The following CXADR variants were observed in gnomAD, a reference collection of about 807,000 sequenced individuals.
The protein encoded by CXADR is CXADR cell adhesion molecule, also known as coxsackievirus and adenovirus receptor.
In CXADR, 20 loss-of-function variants were observed where a neutral mutation model predicts 40.3. The observed-to-expected ratio is 0.50, with a 90% CI of 0.35 to 0.72. CXADR has a LOEUF of 0.72. Ranked by LOEUF, CXADR falls within the 30% of genes least tolerant of loss-of-function variation. The pLI is 0.01. For missense variants in CXADR, 332 were observed against 449.1 expected, an observed-to-expected ratio of 0.74 and a Z score of 2.36; for synonymous variants, 150 against 161.3, an observed-to-expected ratio of 0.93 and a Z score of 0.53.
chr21:17,545,695 A>G (rs886248943), intron 1 of CXADR, among the ~76,000 whole-genome samples: 4 of 151,728 alleles, frequency 2.6e-5, no homozygotes, highest in Admixed American at 6.6e-5. Context: ...AAATGTGATT[A>G]TTGGCTTTTT....
At position 17,547,216 on chromosome 21, in the gene CXADR, C is replaced by T. The variant is rs191448160; in HGVS notation, c.210+23C>T. 1.4e-4 allele frequency: 232 copies of T among 1,613,622 alleles called. 1 individual carries two copies. In the East Asian group the frequency reaches 4.3e-3, roughly 30 times the overall value. On this transcript the variant is annotated intron_variant, in intron 2 of 6. Coordinates refer to ENST00000284878, the MANE Select transcript of CXADR (RefSeq NM_001338.5). Reference sequence around the variant, plus strand: ...GTGGTAAGTTTGATATGTCCTTGCTCGCTTAGCAGCTGTCTGTGCAACTAT... The same window carrying T: ...GTGGTAAGTTTGATATGTCCTTGCTTGCTTAGCAGCTGTCTGTGCAACTAT...
the CXADR span, chr21:17,605,018 G>A: frequency 2.8e-5 from 45 of 1,609,362 alleles, no homozygotes; most frequent in African/African-American, 3.6e-4. Flanking sequence ...GTGGAGTTAC[G>A]TTAATGGATT....
intron 1 of CXADR, among the ~76,000 whole-genome samples, chr21:17,522,103 C>A (rs1361876844): frequency 6.6e-6 from 1 of 151,960 alleles, no homozygotes; most frequent in African/African-American, 2.4e-5. Context: ...CTATCTCAGC[C>A]CTCAAGTAGC....
intron 1 of CXADR, among the ~76,000 whole-genome samples, chr21:17,534,019 T>TATATATATCTATATATATATATATACAC (rs2060713251): frequency 2.3e-4 from 19 of 81,370 alleles, no homozygotes; most frequent in South Asian, 4.9e-4. Flanking sequence ...TATATATATA[T>TATATATATCTATATATATATATATACAC]ATATATATAG....
At chr21:17,521,612 CGCACCTG>C (rs891423811) in intron 1 of CXADR, among the ~76,000 whole-genome samples, 3 of 152,138 alleles carry the variant, frequency 2.0e-5, no homozygotes, top group Non-Finnish European at 4.4e-5. Flanking sequence ...CGTGAGCCAC[CGCACCTG>C]GCCAGGCTCC....
chr21:17,600,669 AAAC>A, the CXADR span, among the ~76,000 whole-genome samples: 4 of 152,022 alleles, frequency 2.6e-5, no homozygotes, highest in African/African-American at 9.7e-5. Flanking sequence ...AAAAACAAAA[AAAC>A]AAGAACAAAA....
intron 1 of CXADR, among the ~76,000 whole-genome samples, chr21:17,544,547 G>T (rs2060870074): frequency 6.6e-6 from 1 of 152,020 alleles, no homozygotes; most frequent in Admixed American, 6.5e-5. Context: ...CTAGACTAGG[G>T]CTGAGTGTTC....
At chr21:17,608,383 A>C in the CXADR span, among the ~76,000 whole-genome samples, 1 of 151,744 alleles carries the variant, frequency 6.6e-6, no homozygotes, top group Non-Finnish European at 1.5e-5. Context: ...CAAAAAAAAA[A>C]AACTCCCAGA....
chr21:17,589,661 T>A (rs1601067316), intron 7 of CXADR, among the ~76,000 whole-genome samples: 1 of 152,188 alleles, frequency 6.6e-6, no homozygotes, highest in African/African-American at 2.4e-5. Flanking sequence ...GTTCAAATTT[T>A]ATTAAACTGT....
At chr21:17,519,538 T>C (rs1247772186) in intron 1 of CXADR, among the ~76,000 whole-genome samples, 1 of 152,238 alleles carries the variant, frequency 6.6e-6, no homozygotes, top group African/African-American at 2.4e-5. Flanking sequence ...CAGTAATGCA[T>C]GTGCCAAATT....
intron 1 of CXADR, among the ~76,000 whole-genome samples, chr21:17,544,711 G>A (rs1053888090): frequency 6.6e-5 from 10 of 152,154 alleles, no homozygotes; most frequent in African/African-American, 2.4e-4. Flanking sequence ...GTCAAAGCTG[G>A]GCAGGCCTCA....
chr21:17,629,454 A>G, the CXADR span, among the ~76,000 whole-genome samples: 1 of 151,804 alleles, frequency 6.6e-6, no homozygotes, highest in Admixed American at 6.6e-5. Flanking sequence ...AGTCCCAGCT[A>G]CTTAGGAGGC....
chr21:17,522,670 T>C (rs527780929), intron 1 of CXADR, among the ~76,000 whole-genome samples: 2 of 152,376 alleles, frequency 1.3e-5, no homozygotes, highest in South Asian at 2.1e-4. Flanking sequence ...CAAATAGCTC[T>C]ATTGAACAGT....
At chr21:17,537,981 A>G (rs1338869645) in intron 1 of CXADR, among the ~76,000 whole-genome samples, 1 of 151,938 alleles carries the variant, frequency 6.6e-6, no homozygotes, top group African/African-American at 2.4e-5. Flanking sequence ...AAAAGGTGGG[A>G]TGGAGCAGAA....
chr21:17,583,931 T>A (rs771730778), intron 7 of CXADR, among the ~76,000 whole-genome samples: 12 of 152,200 alleles, frequency 7.9e-5, no homozygotes, highest in Non-Finnish European at 1.5e-4. Flanking sequence ...AGAATGGATC[T>A]TAACCTCCTT....
In CXADR at chr21:17,566,753, A is replaced by G. The variant is rs547751348; in HGVS notation, c.*1061A>G. 9.3e-6 allele frequency: 9 copies of G among 965,238 alleles called. No individual in the cohort carries two copies. In the South Asian group the frequency reaches 1.9e-4, roughly 21 times the overall value. The allele number at this position is 965,238 out of a possible 1,614,324, so 59.8% of individuals were successfully genotyped here. On this transcript the variant is annotated 3_prime_UTR_variant, in exon 7 of 7. Coordinates refer to ENST00000284878, the MANE Select transcript of CXADR (RefSeq NM_001338.5). ...CCCTCTTGAATATAATCCCTGGATG[A>G]TATTTTTTATCATAAATGCAGAATA...
In CXADR at chr21:17,551,603, T is replaced by C. The variant is rs921579687; in HGVS notation, c.211-146T>C. 1.2e-5 allele frequency: 8 copies of C among 656,204 alleles called. No individual in the cohort carries two copies. In the Admixed American group the frequency reaches 2.4e-4, roughly 20 times the overall value. The allele number at this position is 656,204 out of a possible 1,614,324, so 40.6% of individuals were successfully genotyped here. ...TCTCGTTCTGTGGTTTGGGTAGTTT[T>C]ATGTTTCCCCATAATACTGTGTTCT... On this transcript the variant is annotated intron_variant, in intron 2 of 6. Coordinates refer to ENST00000284878, the MANE Select transcript of CXADR (RefSeq NM_001338.5).
intron 1 of CXADR, among the ~76,000 whole-genome samples, chr21:17,544,069 A>G (rs2060863001): frequency 6.6e-6 from 1 of 152,212 alleles, no homozygotes; most frequent in Admixed American, 6.5e-5. Flanking sequence ...CATAAAATTT[A>G]TAGAGGAAAA....
the CXADR span, among the ~76,000 whole-genome samples, chr21:17,610,993 C>A: frequency 4.5e-3 from 679 of 152,272 alleles, 24 homozygotes; most frequent in East Asian, 0.08. Context: ...GCACACAAAT[C>A]TTCCTCCCAG....
Sources: allele counts gnomAD v4.1 joint callset (sites outside exome capture counted in the v4.1 genomes callset), GRCh38; gene constraint gnomAD v4.1.1; transcripts MANE v1.5; gene names NCBI Gene and HGNC (gene_info 2026-07-23, HGNC 2026-07-21).